Variants in AGAP1 observed in about 807,000 individuals in gnomAD.
AGAP1 encodes the protein arf-GAP with GTPase, ANK repeat and PH domain-containing protein 1.
AGAP1 carries 29 observed loss-of-function variants against 105.3 expected under a neutral mutation model. The ratio of observed to expected loss-of-function variants is 0.28; its 90% CI spans 0.21 to 0.38. The LOEUF (loss-of-function observed/expected upper bound fraction) is 0.38. Among genes scored for constraint, AGAP1 ranks in the 10% least tolerant of loss-of-function variants. The pLI is 1.00. For synonymous variants in AGAP1, 509 were observed against 485.9 expected (o/e 1.05, Z -0.63); for missense variants, 998 against 1,165.1 (o/e 0.86, Z 2.09).
intron 1 of AGAP1, among the ~76,000 whole-genome samples, chr2:235,604,053 A>G (rs76723841): frequency 0.035 from 5,237 of 150,958 alleles, 123 homozygotes; most frequent in African/African-American, 0.067. Flanking sequence ...CTCTCCAGCC[A>G]TGTGATTAGT....
intron 11 of AGAP1, among the ~76,000 whole-genome samples, chr2:235,917,891 G>A (rs374234139): frequency 4.6e-5 from 7 of 152,190 alleles, no homozygotes; most frequent in African/African-American, 1.2e-4. Context: ...CACTGCAGAC[G>A]CGGAGTCGCG....
intron 4 of AGAP1, among the ~76,000 whole-genome samples, chr2:235,743,522 C>T (rs1952712069): frequency 2.0e-5 from 3 of 152,152 alleles, no homozygotes; most frequent in South Asian, 2.1e-4. Flanking sequence ...GCTGCTATCA[C>T]GATCTTCCCA....
At chr2:235,871,187 G>C (rs2049419386) in intron 9 of AGAP1, among the ~76,000 whole-genome samples, 1 of 152,152 alleles carries the variant, frequency 6.6e-6, no homozygotes, top group African/African-American at 2.4e-5. Flanking sequence ...CTTACTCAAG[G>C]GTTTTCTGCT....
intron 1 of AGAP1, among the ~76,000 whole-genome samples, chr2:235,619,362 GGAT>G (rs1201467885): frequency 6.6e-6 from 1 of 150,574 alleles, no homozygotes. Flanking sequence ...GGGGGAGCTG[GGAT>G]TCAATCCTGG....
rs149881667 is a variant in AGAP1 at position 235,640,612 on chromosome 2, A to T, written c.164-68567A>T. Among the ~76,000 whole-genome samples, 340 of 152,324 alleles carry T rather than the reference A, an allele frequency of 2.2e-3. 3 individuals carry two copies. Among genetic ancestry groups the T allele is most frequent in the African/African-American group, 7.5e-3 (312 of 41,572 alleles). ...CTGTAATTAAGCTGTCTAATTGGCA[A>T]TGACTGCAGGAAAAACCATGAATGG... On this transcript the variant is annotated intron_variant, in intron 1 of 17. Coordinates refer to ENST00000304032, the MANE Select transcript of AGAP1 (RefSeq NM_001037131.3).
chr2:235,863,380 T>C (rs926193145), intron 9 of AGAP1, among the ~76,000 whole-genome samples: 1 of 152,258 alleles, frequency 6.6e-6, no homozygotes, highest in African/African-American at 2.4e-5. Context: ...CAGTGTTTGA[T>C]CATTTTAGCA....
rs966900420 is a variant in AGAP1, at chr2:235,927,761, C to T, written c.1325-3004C>T. 1.1e-4 allele frequency among the ~76,000 whole-genome samples: 16 copies of T among 152,170 alleles called. No individual in the cohort carries two copies. Among genetic ancestry groups the T allele is most frequent in the African/African-American group, 2.9e-4 (12 of 41,446 alleles). ...GAAGGTTTCTAGGCCTGGTTGTCAT[C>T]GGAGAACCACTCTCCAGGGAGAAGG... On this transcript the variant is annotated intron_variant, in intron 11 of 17. Coordinates refer to ENST00000304032, the MANE Select transcript of AGAP1 (RefSeq NM_001037131.3). This position sits in a 1 kb window ranked among gnomAD's most constrained non-coding sequence, Gnocchi z 4.4.
At chr2:235,826,638 CGG>C (rs1959087220) in intron 9 of AGAP1, among the ~76,000 whole-genome samples, 1 of 152,056 alleles carries the variant, frequency 6.6e-6, no homozygotes, top group South Asian at 2.1e-4. Context: ...TTAGTAGAGA[CGG>C]GGTTTTACCA....
At chr2:235,742,679 C>A (rs1278676703) in intron 4 of AGAP1, among the ~76,000 whole-genome samples, 1 of 152,090 alleles carries the variant, frequency 6.6e-6, no homozygotes, top group South Asian at 2.1e-4. Context: ...TACAAAGGAA[C>A]TCTTGGAGGC....
chr2:235,615,684 AATT>A lies in AGAP1; in HGVS notation c.164-93491_164-93489del, dbSNP rs1203319871. 6.6e-6 allele frequency among the ~76,000 whole-genome samples: 1 copy of A among 152,172 alleles called. No homozygotes were observed. Among genetic ancestry groups the A allele is most frequent in the Admixed American group, 6.5e-5 (1 of 15,274 alleles). ...GCTGGGTTATTGTGAAACTAGGTCA[AATT>A]ATTGTTTTTTCTCTTTATGCTCATA... On this transcript the variant is annotated intron_variant, in intron 1 of 17. Transcript: ENST00000304032. This position sits in a 1 kb window ranked among gnomAD's most constrained non-coding sequence, Gnocchi z 5.0.
chr2:235,536,666 C>G (rs1943247291), intron 1 of AGAP1, among the ~76,000 whole-genome samples: 1 of 150,790 alleles, frequency 6.6e-6, no homozygotes, highest in African/African-American at 2.4e-5. Context: ...CACACACACA[C>G]ACACACACAC....
intron 5 of AGAP1, among the ~76,000 whole-genome samples, chr2:235,749,937 G>A (rs960052701): frequency 6.6e-6 from 1 of 152,198 alleles, no homozygotes; most frequent in East Asian, 1.9e-4. Context: ...CATTTATTAA[G>A]TGCGTCATTG....
intron 1 of AGAP1, among the ~76,000 whole-genome samples, chr2:235,616,458 CTT>C (rs1946310809): frequency 6.6e-6 from 1 of 152,152 alleles, no homozygotes; most frequent in Admixed American, 6.5e-5. Context: ...AATAGTTCCC[CTT>C]TTACATTTTA....
chr2:235,589,821 T>TAG (rs35844164), intron 1 of AGAP1, among the ~76,000 whole-genome samples: 13,074 of 148,688 alleles, frequency 0.088, 764 homozygotes, highest in Non-Finnish European at 0.13. Context: ...TCAGAGCATC[T>TAG]AGAGAGAGAG....
rs922739953 is a variant in AGAP1, at chr2:235,604,656, C to G, written c.164-104523C>G. Among the ~76,000 whole-genome samples, 106 of 131,696 alleles carry G rather than the reference C, an allele frequency of 8.0e-4. 1 individual carries two copies. Among genetic ancestry groups the G allele is most frequent in the South Asian group, 1.8e-3 (7 of 3,944 alleles). The allele number at this position is 131,696 out of a possible 152,430, so 86.4% of individuals were successfully genotyped here. A position where few individuals can be genotyped will look rare whatever the true frequency, so the allele number is the denominator to read the frequency against. ...GGAGTGCAGTGGCACGATCTTGGCT[C>G]ACTGCAAGCTCCACCTCCCAGGTTC... On this transcript the variant is annotated intron_variant, in intron 1 of 17. Coordinates refer to ENST00000304032, the MANE Select transcript of AGAP1 (RefSeq NM_001037131.3).
chr2:235,567,690 G>T (rs770626151), intron 1 of AGAP1, among the ~76,000 whole-genome samples: 11 of 150,596 alleles, frequency 7.3e-5, no homozygotes, highest in Non-Finnish European at 1.5e-4. Flanking sequence ...GGGAGAAGGG[G>T]CTGCAGGGGA....
intron 13 of AGAP1, among the ~76,000 whole-genome samples, chr2:235,972,362 G>A (rs1314474159): frequency 6.6e-6 from 1 of 152,172 alleles, no homozygotes; most frequent in Non-Finnish European, 1.5e-5. Flanking sequence ...AGGGTCCTTT[G>A]AATCCATTGG....
rs1398192408 is a variant in AGAP1 at position 235,720,222 on chromosome 2, G to A, written c.310+2578G>A. Among the ~76,000 whole-genome samples, 3 of 152,212 alleles carry A rather than the reference G, an allele frequency of 2.0e-5. No homozygotes were observed. The highest frequency in any genetic ancestry group is 4.4e-5 in the Non-Finnish European group (3 of 68,042). ...CTCATGCTCAGGGAGCCTGTACCTGGAAAGTGATTTCAATTTTTGTCCAGT... is the reference window on the plus strand; with the variant it reads ...CTCATGCTCAGGGAGCCTGTACCTGAAAAGTGATTTCAATTTTTGTCCAGT... On this transcript the variant is annotated intron_variant, in intron 3 of 17. Coordinates refer to ENST00000304032, the MANE Select transcript of AGAP1 (RefSeq NM_001037131.3). The surrounding 1 kb of genome is among the most constrained non-coding windows in gnomAD (Gnocchi z 5.0).
chr2:235,917,350 T>TC (rs1287941517), intron 11 of AGAP1, among the ~76,000 whole-genome samples: 4 of 152,126 alleles, frequency 2.6e-5, no homozygotes, highest in Non-Finnish European at 4.4e-5. Context: ...AATCAGGACA[T>TC]CCAGCAAACC....
Sources: gnomAD v4.1 joint callset for allele counts (sites outside exome capture counted in the v4.1 genomes callset) on GRCh38, gnomAD v4.1.1 for gene constraint, Gnocchi (gnomAD v3.1) non-coding constraint, MANE v1.5 for transcripts, NCBI Gene and HGNC (gene_info 2026-07-23, HGNC 2026-07-21) for gene names.